ATP11A: variants seen among roughly 807,000 people sequenced by gnomAD.
ATP11A encodes phospholipid-transporting ATPase IH.
A neutral mutation model predicts 154.4 loss-of-function variants in ATP11A; 81 were observed. The observed-to-expected ratio is 0.52, with a 90% CI of 0.44 to 0.63. The LOEUF (loss-of-function observed/expected upper bound fraction) is 0.63. Ranked by LOEUF, ATP11A falls within the 30% of genes least tolerant of loss-of-function variation. The pLI is 0.00. For missense variants in ATP11A, 1,316 were observed against 1,474.3 expected, an observed-to-expected ratio of 0.89 and a Z score of 1.76; for synonymous variants, 623 against 585.9, an observed-to-expected ratio of 1.06 and a Z score of -0.91.
At chr13:112,749,941 G>A (rs1453366887) in intron 1 of ATP11A, among the ~76,000 whole-genome samples, 10 of 119,224 alleles carry the variant, frequency 8.4e-5, no homozygotes, top group Non-Finnish European at 1.0e-4. Context: ...GGGAAGGAGA[G>A]TCTCCATCCT....
chr13:112,806,808 T>C, intron 4 of ATP11A, among the ~76,000 whole-genome samples: 1 of 152,134 alleles, frequency 6.6e-6, no homozygotes, highest in Non-Finnish European at 1.5e-5. Flanking sequence ...CCCCATTTTC[T>C]CCTCCCCGTC....
chr13:112,768,265 A>T (rs995506073), intron 1 of ATP11A, among the ~76,000 whole-genome samples: 2 of 152,236 alleles, frequency 1.3e-5, no homozygotes, highest in African/African-American at 4.8e-5. Flanking sequence ...CTCTACCAGC[A>T]GCGTCTTCGC....
At chr13:112,849,442 T>C (rs2079699922) in intron 17 of ATP11A, among the ~76,000 whole-genome samples, 1 of 152,260 alleles carries the variant, frequency 6.6e-6, no homozygotes, top group Non-Finnish European at 1.5e-5. Flanking sequence ...GCGACATATT[T>C]ATTTCCAAAA....
At position 112,859,422 on chromosome 13, in the gene ATP11A, A is replaced by G; in HGVS notation, c.2697A>G (p.Leu899=). Residue 899 remains leucine (L), a synonymous_variant, in exon 23 of 30, where the codon TTA becomes TTG. Coordinates refer to ENST00000375645, the MANE Select transcript of ATP11A (RefSeq NM_015205.3). This position sits in a 1 kb window ranked among gnomAD's most constrained non-coding sequence, Gnocchi z 4.3. The part of the protein sequence containing the change: ...KNVCFIFPQF[L]YQFFCGFSQQ... The stretch of plus-strand genomic sequence containing the variant: ...TCTGCTTCATCTTCCCTCAGTTTTT[A>G]TACCAGTTCTTCTGTGGGTTTTCAC... 1 of 1,613,984 alleles carries G rather than the reference A, an allele frequency of 6.2e-7. No individual in the cohort carries two copies. The highest frequency in any genetic ancestry group is 1.1e-5 in the South Asian group (1 of 91,074).
At chr13:112,801,580 T>TA (rs1266266131) in intron 2 of ATP11A, among the ~76,000 whole-genome samples, 1 of 152,240 alleles carries the variant, frequency 6.6e-6, no homozygotes, top group African/African-American at 2.4e-5. Flanking sequence ...TTCTGGATGT[T>TA]AGAGGCGATT....
chr13:112,837,447 C>T (rs1440500829), intron 16 of ATP11A, among the ~76,000 whole-genome samples: 1 of 152,246 alleles, frequency 6.6e-6, no homozygotes, highest in East Asian at 1.9e-4. Context: ...TGCCTGCACG[C>T]ATCCCGAACG....
intron 1 of ATP11A, among the ~76,000 whole-genome samples, chr13:112,757,855 C>T (rs983593000): frequency 2.0e-5 from 3 of 152,298 alleles, no homozygotes; most frequent in South Asian, 2.1e-4. Context: ...CATGTGTGTG[C>T]GGCAGAAAGG....
intron 1 of ATP11A, among the ~76,000 whole-genome samples, chr13:112,702,464 C>CG (rs1489950064): frequency 2.6e-5 from 4 of 152,216 alleles, no homozygotes; most frequent in African/African-American, 9.6e-5. Flanking sequence ...GGCGTGCACA[C>CG]GGGGGGTGCG....
rs2078438336 is a variant in ATP11A at position 112,809,833 on chromosome 13, T to C, written c.334-786T>C. Among the ~76,000 whole-genome samples the C allele has an allele frequency of 1.3e-5, 2 of 152,184 alleles. 1 individual carries two copies. The highest frequency in any genetic ancestry group is 4.1e-4 in the South Asian group (2 of 4,828). ...TGTGTGCAGCATCTCCTATTGTCGCTTCTTTCAAGATGCCACCTGACTGTC... is the reference window on the plus strand; with the variant it reads ...TGTGTGCAGCATCTCCTATTGTCGCCTCTTTCAAGATGCCACCTGACTGTC... On this transcript the variant is annotated intron_variant, in intron 4 of 29. Coordinates refer to ENST00000375645, the MANE Select transcript of ATP11A (RefSeq NM_015205.3).
At chr13:112,868,870 G>A (rs775884818) in intron 25 of ATP11A, among the ~76,000 whole-genome samples, 17 of 152,078 alleles carry the variant, frequency 1.1e-4, no homozygotes, top group African/African-American at 2.9e-4. Flanking sequence ...CAATCATGGC[G>A]GAAGGCAAAG....
chr13:112,744,734 T>C (rs1891937797), intron 1 of ATP11A, among the ~76,000 whole-genome samples: 1 of 152,188 alleles, frequency 6.6e-6, no homozygotes, highest in African/African-American at 2.4e-5. Context: ...CCGGCTGGTG[T>C]GTAAAGCACA....
At chr13:112,740,272 G>C (rs111483376) in intron 1 of ATP11A, among the ~76,000 whole-genome samples, 369 of 152,056 alleles carry the variant, frequency 2.4e-3, no homozygotes, top group African/African-American at 7.7e-3. Context: ...CTCATCCCAG[G>C]TTCAAGTGAT....
At chr13:112,852,784 G>GA (rs2079805553) in intron 18 of ATP11A, among the ~76,000 whole-genome samples, 1 of 138,174 alleles carries the variant, frequency 7.2e-6, no homozygotes, top group Non-Finnish European at 1.5e-5. Flanking sequence ...TGCCTGGTTG[G>GA]CGGGGGGGGA....
intron 1 of ATP11A, among the ~76,000 whole-genome samples, chr13:112,734,325 G>T (rs1333543294): frequency 6.6e-6 from 1 of 152,134 alleles, no homozygotes; most frequent in Non-Finnish European, 1.5e-5. Flanking sequence ...TGAGAAAAGG[G>T]CCTTTCCTGC....
At chr13:112,711,682 ACT>A (rs1170970243) in intron 1 of ATP11A, among the ~76,000 whole-genome samples, 4 of 152,164 alleles carry the variant, frequency 2.6e-5, no homozygotes, top group Admixed American at 6.5e-5. Flanking sequence ...ACCGGGCAAG[ACT>A]CTGTTTTGCT....
At chr13:112,756,812 C>T (rs1392955572) in intron 1 of ATP11A, among the ~76,000 whole-genome samples, 2 of 152,024 alleles carry the variant, frequency 1.3e-5, no homozygotes, top group South Asian at 2.1e-4. Flanking sequence ...CTGCTCCCAG[C>T]GAGGGGTCTG....
intron 1 of ATP11A, among the ~76,000 whole-genome samples, chr13:112,724,575 C>G (rs1346624366): frequency 6.6e-6 from 1 of 151,956 alleles, no homozygotes; most frequent in Non-Finnish European, 1.5e-5. Context: ...GCTTGGGGGT[C>G]TCATCACACT....
intron 1 of ATP11A, among the ~76,000 whole-genome samples, chr13:112,735,908 C>A (rs962163515): frequency 6.6e-6 from 1 of 152,248 alleles, no homozygotes; most frequent in Non-Finnish European, 1.5e-5. Flanking sequence ...CCGTGTGCTC[C>A]TCCATGCCTC....
intron 1 of ATP11A, among the ~76,000 whole-genome samples, chr13:112,773,367 A>G (rs1248496540): frequency 6.6e-6 from 1 of 152,230 alleles, no homozygotes; most frequent in African/African-American, 2.4e-5. Flanking sequence ...TAATCTGAGC[A>G]AAGGAAATGC....
Sources: gnomAD v4.1 joint callset for allele counts (sites outside exome capture counted in the v4.1 genomes callset) on GRCh38, gnomAD v4.1.1 for gene constraint, Gnocchi (gnomAD v3.1) non-coding constraint, MANE v1.5 for transcripts, NCBI Gene and HGNC (gene_info 2026-07-23, HGNC 2026-07-21) for gene names.